The following HK1 variants were observed in gnomAD, a reference collection of about 807,000 sequenced individuals.
The protein encoded by HK1 is hexokinase 1.
A neutral mutation model predicts 91.6 loss-of-function variants in HK1; 28 were observed. That is an observed-to-expected ratio of 0.31 (90% CI 0.23 to 0.42). The LOEUF (loss-of-function observed/expected upper bound fraction) is 0.42. Ranked by LOEUF, HK1 falls within the 10% of genes least tolerant of loss-of-function variation. The pLI is 1.00. For synonymous variants in HK1, 430 were observed against 468.1 expected, an observed-to-expected ratio of 0.92 and a Z score of 1.05; for missense variants, 770 against 1,219.8, an observed-to-expected ratio of 0.63 and a Z score of 5.49.
chr10:69,300,862 G>T lies in HK1; in HGVS notation c.27+1G>T, dbSNP rs753241777. The T allele has an allele frequency of 6.5e-7, 1 of 1,531,074 alleles. No individual in the cohort carries two copies. Among genetic ancestry groups the T allele is most frequent in the South Asian group, 1.1e-5 (1 of 88,986 alleles). The allele number at this position is 1,531,074 out of a possible 1,614,324, so 94.8% of individuals were successfully genotyped here. On this transcript the variant is annotated splice_donor_variant, in intron 5 of 21. Transcript: ENST00000360289. LOFTEE classifies it high-confidence loss of function. ...GGCAAAAAGAGCCCTGCATGATTTTGTACGTAGAAAATCCTGGAATACCCA... is the reference window on the plus strand; with the variant it reads ...GGCAAAAAGAGCCCTGCATGATTTTTTACGTAGAAAATCCTGGAATACCCA...
intron 4 of HK1, chr10:69,300,307 C>G (rs1246194197): frequency 5.5e-6 from 2 of 364,980 alleles, no homozygotes; most frequent in Non-Finnish European, 1.0e-5. Context: ...TACATATGTA[C>G]TCTCTTGTGT....
chr10:69,354,256 C>A (rs1171602306), intron 2 of HK1, among the ~76,000 whole-genome samples: 4 of 152,182 alleles, frequency 2.6e-5, no homozygotes, highest in African/African-American at 9.7e-5. Flanking sequence ...GCTTAATAAA[C>A]AGCAAGCAGG....
At chr10:69,356,703 T>C (rs1172229301) in intron 2 of HK1, among the ~76,000 whole-genome samples, 1 of 151,856 alleles carries the variant, frequency 6.6e-6, no homozygotes, top group Non-Finnish European at 1.5e-5. Flanking sequence ...GCCAACATAG[T>C]GAAACCCCGT....
chr10:69,348,522 T>C (rs1011005377), intron 2 of HK1, among the ~76,000 whole-genome samples: 1 of 152,076 alleles, frequency 6.6e-6, no homozygotes, highest in Non-Finnish European at 1.5e-5. Context: ...CAGAATTAAT[T>C]CATTGAGGCT....
At chr10:69,334,723 T>C (rs1489950245) in intron 1 of HK1, among the ~76,000 whole-genome samples, 2 of 152,056 alleles carry the variant, frequency 1.3e-5, no homozygotes, top group Non-Finnish European at 2.9e-5. Context: ...AGGGCATGGC[T>C]CCTGTACCCC....
At chr10:69,366,706 A>G (rs1314833055) in intron 4 of HK1, among the ~76,000 whole-genome samples, 12 of 152,184 alleles carry the variant, frequency 7.9e-5, no homozygotes, top group Admixed American at 7.9e-4. Context: ...CAAGGTGTTC[A>G]GATCAGTTTG....
At chr10:69,312,686 G>A (rs1000363422), upstream of HK1, among the ~76,000 whole-genome samples, 2 of 152,162 alleles carry the variant, frequency 1.3e-5, no homozygotes, top group African/African-American at 4.8e-5. Flanking sequence ...GAATAAGCCC[G>A]AGAGACAGAC....
At chr10:69,278,511 G>T (rs1384888099) in intron 1 of HK1, 1 of 152,234 alleles carries the variant, frequency 6.6e-6, no homozygotes, top group Admixed American at 6.5e-5. Flanking sequence ...TGATTTCTGA[G>T]TCTGCTTTCC....
At chr10:69,304,627 TA>T (rs1846026159) in intron 5 of HK1, among the ~76,000 whole-genome samples, 1 of 152,200 alleles carries the variant, frequency 6.6e-6, no homozygotes, top group Admixed American at 6.5e-5. Flanking sequence ...TTTTAAACTA[TA>T]AACTAAGTTC....
intron 12 of HK1, among the ~76,000 whole-genome samples, chr10:69,385,127 G>A (rs1839572386): frequency 6.6e-6 from 1 of 152,114 alleles, no homozygotes; most frequent in Non-Finnish European, 1.5e-5. Context: ...ACCTTTTCTG[G>A]GAAACCTTCT....
At chr10:69,358,585 G>A (rs1052709643) in intron 2 of HK1, among the ~76,000 whole-genome samples, 1 of 152,218 alleles carries the variant, frequency 6.6e-6, no homozygotes, top group African/African-American at 2.4e-5. Context: ...AATGAGGCTG[G>A]GCACGGTGAC....
chr10:69,326,862 C>T (rs137978498), intron 1 of HK1, among the ~76,000 whole-genome samples: 185 of 152,138 alleles, frequency 1.2e-3, no homozygotes, highest in Middle Eastern at 6.8e-3. Context: ...CATGTTTTTA[C>T]GCTTTTATTA....
intron 1 of HK1, among the ~76,000 whole-genome samples, chr10:69,340,195 G>A (rs548974323): frequency 1.3e-5 from 2 of 152,286 alleles, no homozygotes; most frequent in Admixed American, 6.5e-5. Context: ...GAGTGTGGTC[G>A]TTGGGGCGTG....
chr10:69,384,633 G>T (rs753617566), intron 11 of HK1, 152 bp downstream of exon 11: 5 of 1,405,120 alleles, frequency 3.6e-6, no homozygotes, highest in Non-Finnish European at 4.0e-6. Flanking sequence ...TGCCTGGCTT[G>T]TGACACTCTG....
At chr10:69,359,785 C>T (rs774132469) in intron 2 of HK1, 112 bp from the exon 3 acceptor site, 72 of 983,540 alleles carry the variant, frequency 7.3e-5, no homozygotes, top group Non-Finnish European at 1.0e-4. Context: ...CTGATAACAG[C>T]ATGTGGCAGG....
chr10:69,291,888 G>A (rs1845312020), intron 3 of HK1, among the ~76,000 whole-genome samples: 1 of 152,118 alleles, frequency 6.6e-6, no homozygotes, highest in African/African-American at 2.4e-5. Flanking sequence ...AGGCTTGGAA[G>A]TATCTGCAAG....
At chr10:69,285,842 G>C (rs1239592162) in intron 2 of HK1, among the ~76,000 whole-genome samples, 1 of 152,200 alleles carries the variant, frequency 6.6e-6, no homozygotes, top group African/African-American at 2.4e-5. Flanking sequence ...TAGACAAAAA[G>C]CAACTCTGCT....
intron 1 of HK1, among the ~76,000 whole-genome samples, chr10:69,327,812 C>T (rs1009857588): frequency 6.6e-6 from 1 of 152,182 alleles, no homozygotes; most frequent in African/African-American, 2.4e-5. Flanking sequence ...TCACAGTATT[C>T]GAGCTGTGTT....
chr10:69,306,282 C>A (rs967269603), intron 5 of HK1, among the ~76,000 whole-genome samples: 3 of 151,812 alleles, frequency 2.0e-5, no homozygotes, highest in African/African-American at 7.3e-5. Flanking sequence ...GGTGTGAATC[C>A]GGGAGGTGGA....
Sources: gnomAD v4.1 joint callset for allele counts (sites outside exome capture counted in the v4.1 genomes callset) on GRCh38, gnomAD v4.1.1 for gene constraint, MANE v1.5 for transcripts, NCBI Gene and HGNC (gene_info 2026-07-23, HGNC 2026-07-21) for gene names.